NUBPL: variants seen among roughly 807,000 people sequenced by gnomAD.
The protein encoded by NUBPL is iron-sulfur cluster transfer protein NUBPL.
NUBPL carries 31 observed loss-of-function variants against 45.7 expected under a neutral mutation model. That is an observed-to-expected ratio of 0.68 (90% confidence interval 0.51 to 0.92). The LOEUF (loss-of-function observed/expected upper bound fraction) is 0.92, where lower values mean the gene tolerates loss of function less well. Ranked by LOEUF, NUBPL falls within the 40% of genes least tolerant of loss-of-function variation. The pLI is 0.00. For synonymous variants in NUBPL, 144 were observed against 140.9 expected, an observed-to-expected ratio of 1.02 and a Z score of -0.15; for missense variants, 401 against 398.7, an observed-to-expected ratio of 1.01 and a Z score of -0.05.
At chr14:31,654,180 T>C (rs1420485279) in intron 4 of NUBPL, 7 of 449,614 alleles carry the variant, frequency 1.6e-5, no homozygotes, top group South Asian at 1.1e-4. Context: ...ATAAAAGTTA[T>C]GTTTACACTA....
At chr14:31,763,744 A>G (rs76180137) in intron 6 of NUBPL, among the ~76,000 whole-genome samples, 50 of 152,334 alleles carry the variant, frequency 3.3e-4, no homozygotes, top group African/African-American at 1.2e-3. Context: ...GTTAAATACA[A>G]GAATCTAACA....
chr14:31,623,134 A>T (rs978223425), intron 4 of NUBPL, among the ~76,000 whole-genome samples: 1 of 152,250 alleles, frequency 6.6e-6, no homozygotes, highest in Admixed American at 6.5e-5. Context: ...CTGGAGCTCT[A>T]AAATTTAATG....
At chr14:31,665,533 G>A (rs140477726) in intron 4 of NUBPL, among the ~76,000 whole-genome samples, 4 of 152,298 alleles carry the variant, frequency 2.6e-5, no homozygotes, top group Admixed American at 6.5e-5. Context: ...TAGTTGTGCA[G>A]TTTTGATTGA....
At chr14:31,713,633 T>G (rs1381721075) in intron 6 of NUBPL, among the ~76,000 whole-genome samples, 2 of 152,238 alleles carry the variant, frequency 1.3e-5, no homozygotes, top group African/African-American at 2.4e-5. Flanking sequence ...ATTAATGATT[T>G]CTAGCCTTGC....
chr14:31,844,290 A>G (rs773721522), intron 8 of NUBPL: 3 of 152,146 alleles, frequency 2.0e-5, no homozygotes, highest in Non-Finnish European at 4.4e-5. Context: ...TCCTTTTCTC[A>G]CTTTTTGAGT....
At chr14:31,652,049 G>A (rs888982232) in intron 4 of NUBPL, among the ~76,000 whole-genome samples, 7 of 152,126 alleles carry the variant, frequency 4.6e-5, no homozygotes, top group Non-Finnish European at 1.0e-4. Context: ...AGAAAATGTG[G>A]TTGAATGAAT....
intron 4 of NUBPL, among the ~76,000 whole-genome samples, chr14:31,640,309 T>G (rs761830827): frequency 5.3e-5 from 8 of 152,048 alleles, no homozygotes; most frequent in Non-Finnish European, 8.8e-5. Flanking sequence ...TTATGAGACT[T>G]AAGAAACGCT....
intron 6 of NUBPL, among the ~76,000 whole-genome samples, chr14:31,688,003 A>G (rs1404621598): frequency 6.6e-6 from 1 of 152,198 alleles, no homozygotes; most frequent in East Asian, 1.9e-4. Context: ...TTTGCCAAAT[A>G]CCTTTTTACT....
intron 6 of NUBPL, among the ~76,000 whole-genome samples, chr14:31,697,738 A>G (rs185505933): frequency 9.0e-4 from 137 of 152,320 alleles, no homozygotes; most frequent in African/African-American, 2.9e-3. Context: ...ATTTGAACTG[A>G]GTTAGGATGA....
chr14:31,734,315 G>A (rs954384332), intron 6 of NUBPL, among the ~76,000 whole-genome samples: 11 of 152,084 alleles, frequency 7.2e-5, no homozygotes, highest in Admixed American at 4.6e-4. Flanking sequence ...TTCACCCCAA[G>A]GATGACATTG....
intron 10 of NUBPL, among the ~76,000 whole-genome samples, chr14:31,856,400 G>C (rs891702780): frequency 8.5e-5 from 13 of 152,094 alleles, no homozygotes; most frequent in Admixed American, 4.6e-4. Context: ...TGGGGACACA[G>C]CCAAACCATA....
intron 7 of NUBPL, among the ~76,000 whole-genome samples, chr14:31,810,069 G>A (rs920036125): frequency 1.8e-4 from 28 of 152,178 alleles, no homozygotes; most frequent in Admixed American, 2.6e-4. Context: ...AGTGTGATGT[G>A]GTGCTGAGAA....
At chr14:31,633,201 T>G (rs568349532) in intron 4 of NUBPL, among the ~76,000 whole-genome samples, 1 of 152,180 alleles carries the variant, frequency 6.6e-6, no homozygotes, top group African/African-American at 2.4e-5. Flanking sequence ...TGCATGGCCT[T>G]TGACCTACCT....
At chr14:31,747,170 G>C (rs958337653) in intron 6 of NUBPL, among the ~76,000 whole-genome samples, 33 of 135,306 alleles carry the variant, frequency 2.4e-4, no homozygotes, top group Non-Finnish European at 4.5e-4. Context: ...GAGTCTCGCT[G>C]TGTTGCCCAG....
chr14:31,729,666 C>T (rs1224202622), intron 6 of NUBPL, among the ~76,000 whole-genome samples: 2 of 151,964 alleles, frequency 1.3e-5, no homozygotes, highest in Admixed American at 1.3e-4. Context: ...TTCTTGTATT[C>T]AGCCATCTTA....
chr14:31,598,681 C>A (rs372209961), intron 3 of NUBPL, among the ~76,000 whole-genome samples: 17 of 152,274 alleles, frequency 1.1e-4, no homozygotes, highest in African/African-American at 4.1e-4. Context: ...TTTCTGAATC[C>A]TCTAGAAGAC....
chr14:31,746,922 T>C (rs2038410849), intron 6 of NUBPL, among the ~76,000 whole-genome samples: 2 of 151,626 alleles, frequency 1.3e-5, no homozygotes, highest in Admixed American at 6.6e-5. Context: ...ATATAAAAAT[T>C]AGCCAGATGT....
At chr14:31,765,446 A>G (rs1224461465) in intron 6 of NUBPL, among the ~76,000 whole-genome samples, 1 of 152,202 alleles carries the variant, frequency 6.6e-6, no homozygotes, top group Non-Finnish European at 1.5e-5. Flanking sequence ...TTGACTTATG[A>G]TAACCTGGAC....
Position 31,747,027 on chromosome 14 carries a change from G to C in NUBPL, c.514-40753G>C, listed in dbSNP as rs1340451647. On this transcript the variant is annotated intron_variant, in intron 6 of 10. Transcript: ENST00000281081. ...AAAGATTGCAGTGAGCTGAGATTGT[G>C]CCACTGTACTTCAGCCTGGGTGATA... Among the ~76,000 whole-genome samples, 4 of 140,888 alleles carry C rather than the reference G, an allele frequency of 2.8e-5. No individual in the cohort carries two copies. The East Asian group carries it at 8.3e-4, about 29-fold the overall frequency. The allele number at this position is 140,888 out of a possible 152,430, so 92.4% of individuals were successfully genotyped here.
Sources: gnomAD v4.1 joint callset for allele counts (sites outside exome capture counted in the v4.1 genomes callset) on GRCh38, gnomAD v4.1.1 for gene constraint, MANE v1.5 for transcripts, NCBI Gene and HGNC (gene_info 2026-07-23, HGNC 2026-07-21) for gene names.